The following CLASP1 variants were observed in gnomAD, a reference collection of about 807,000 sequenced individuals.
CLASP1 encodes CLIP-associating protein 1.
In CLASP1, 38 loss-of-function variants were observed where a neutral mutation model predicts 192.3. The ratio of observed to expected loss-of-function variants is 0.20; its 90% CI spans 0.15 to 0.26. The LOEUF is 0.26. Ranked by LOEUF, CLASP1 falls within the 10% of genes least tolerant of loss-of-function variation. The pLI, the probability that CLASP1 is intolerant of heterozygous loss-of-function variation, is 1.00. For missense variants in CLASP1, 1,433 were observed against 1,932.5 expected, an observed-to-expected ratio of 0.74 and a Z score of 4.85; for synonymous variants, 691 against 712.8, an observed-to-expected ratio of 0.97 and a Z score of 0.49.
At chr2:121,617,008 A>T (rs1314388897) in intron 1 of CLASP1, among the ~76,000 whole-genome samples, 1 of 152,218 alleles carries the variant, frequency 6.6e-6, no homozygotes, top group East Asian at 1.9e-4. Context: ...GTAGAAGAGG[A>T]AGGAAGATAA....
chr2:121,353,830 G>T (rs1183275525), intron 37 of CLASP1, among the ~76,000 whole-genome samples: 2 of 152,124 alleles, frequency 1.3e-5, no homozygotes, highest in Non-Finnish European at 2.9e-5. Flanking sequence ...TTGCTCTGTT[G>T]CCCAGGCTGG....
chr2:121,416,483 T>C (rs1241526677), intron 23 of CLASP1, among the ~76,000 whole-genome samples: 1 of 152,166 alleles, frequency 6.6e-6, no homozygotes, highest in African/African-American at 2.4e-5. Context: ...ACAATCTCAC[T>C]AATTTCCAAA....
In CLASP1 at chr2:121,418,657, C is replaced by T. The variant is rs778058950; in HGVS notation, c.2285G>A (p.Arg762Gln). ...AAAGCCCCGAGCAGGGCTTGTATCT[C>T]GGCTGCTCTCACGGCTGGTATCGCG... Residue 762 changes from arginine (R) to glutamine (Q), a missense_variant, in exon 23 of 40, where the codon CGA (arginine) becomes CAA (glutamine). Coordinates refer to ENST00000263710, the Ensembl canonical transcript of CLASP1. 13 of 1,613,782 alleles carry T rather than the reference C, an allele frequency of 8.1e-6. No homozygotes were observed. In the South Asian group the frequency reaches 8.8e-5, roughly 11 times the overall value.
intron 2 of CLASP1, among the ~76,000 whole-genome samples, chr2:121,542,448 T>C (rs1339269189): frequency 3.3e-5 from 5 of 152,244 alleles, no homozygotes. Context: ...ATTAGCACTC[T>C]ACACTGTAAT....
intron 14 of CLASP1, 147 bp from the exon 15 acceptor site, chr2:121,451,996 T>C: frequency 3.0e-6 from 2 of 666,912 alleles, no homozygotes; most frequent in Non-Finnish European, 5.2e-6. Flanking sequence ...ACATAAAGAA[T>C]GAATCAGAAC....
intron 2 of CLASP1, among the ~76,000 whole-genome samples, chr2:121,538,375 G>A (rs1343165648): frequency 6.6e-6 from 1 of 151,874 alleles, no homozygotes; most frequent in Non-Finnish European, 1.5e-5. Context: ...TTGCGCCATT[G>A]TACTCCAGCC....
At chr2:121,525,433 A>G (rs2094552609) in intron 6 of CLASP1, among the ~76,000 whole-genome samples, 1 of 151,952 alleles carries the variant, frequency 6.6e-6, no homozygotes, top group Admixed American at 6.6e-5. Flanking sequence ...CATTCCCATC[A>G]CCTCAGAAAA....
exon 5 of CLASP1, chr2:121,527,841 G>A (rs779554996): frequency 6.2e-7 from 1 of 1,613,990 alleles, no homozygotes; most frequent in East Asian, 2.2e-5. Context: ...GCCTTCTCGA[G>A]TACGGAAATT....
At chr2:121,537,711 T>C (rs1324937020) in intron 2 of CLASP1, among the ~76,000 whole-genome samples, 1 of 152,194 alleles carries the variant, frequency 6.6e-6, no homozygotes, top group African/African-American at 2.4e-5. Context: ...ATACAAAAAC[T>C]AAAAGAACTT....
intron 6 of CLASP1, 25 bp from the exon 7 acceptor site, chr2:121,515,787 C>T (rs370795258): frequency 2.5e-6 from 4 of 1,597,714 alleles, no homozygotes; most frequent in East Asian, 4.5e-5. Context: ...AGAGATCTTA[C>T]AGCTGCTCTG....
At chr2:121,361,059 T>C (rs1338605877) in intron 37 of CLASP1, among the ~76,000 whole-genome samples, 2 of 152,228 alleles carry the variant, frequency 1.3e-5, no homozygotes, top group African/African-American at 4.8e-5. Context: ...TAGACAGATA[T>C]CTTCCAACTG....
At chr2:121,536,401 AAG>A (rs2095080210) in intron 2 of CLASP1, among the ~76,000 whole-genome samples, 1 of 150,936 alleles carries the variant, frequency 6.6e-6, no homozygotes, top group Non-Finnish European at 1.5e-5. Flanking sequence ...AAAAAAAAAA[AAG>A]ATTAAAAATA....
intron 2 of CLASP1, among the ~76,000 whole-genome samples, chr2:121,598,497 C>T (rs545458108): frequency 1.3e-5 from 2 of 152,330 alleles, no homozygotes; most frequent in African/African-American, 2.4e-5. Flanking sequence ...TATGGTCTCA[C>T]AAAGCCCAAA....
Position 121,469,204 on chromosome 2 carries a change from C to G in CLASP1, c.865+604G>C, listed in dbSNP as rs545214784. ...ATACAGGCCTTCCACTCCCACAGAG[C>G]TACCTCCCGCTGGCCCAGCTCTACT... On this transcript the variant is annotated intron_variant, in intron 9 of 39. Coordinates refer to ENST00000263710, the Ensembl canonical transcript of CLASP1. 2.0e-5 allele frequency among the ~76,000 whole-genome samples: 3 copies of G among 152,246 alleles called. No individual in the cohort carries two copies. The East Asian group carries it at 5.8e-4, about 29-fold the overall frequency.
chr2:121,378,104 C>T (rs898904889), intron 33 of CLASP1, among the ~76,000 whole-genome samples: 2 of 152,152 alleles, frequency 1.3e-5, no homozygotes, highest in Non-Finnish European at 2.9e-5. Context: ...AATGACCTCA[C>T]AAGGCTAGGT....
intron 36 of CLASP1, 57 bp from the exon 38 acceptor site, chr2:121,363,357 C>A (rs1476529560): frequency 9.4e-6 from 15 of 1,599,386 alleles, no homozygotes; most frequent in Non-Finnish European, 1.3e-5. Context: ...CTTTCACACA[C>A]AGCAGTCAGC....
chr2:121,615,211 C>T (rs531448384), intron 1 of CLASP1, among the ~76,000 whole-genome samples: 1 of 152,104 alleles, frequency 6.6e-6, no homozygotes, highest in South Asian at 2.1e-4. Flanking sequence ...ATAGGGCGCA[C>T]GCCTGTAATC....
intron 22 of CLASP1, among the ~76,000 whole-genome samples, chr2:121,421,980 G>C (rs939722063): frequency 7.9e-5 from 12 of 152,236 alleles, no homozygotes; most frequent in Admixed American, 7.9e-4. Flanking sequence ...TTACAGAAGA[G>C]AAGGCATAAG....
At chr2:121,451,088 G>A in intron 15 of CLASP1, 98 bp from the exon 16 acceptor site, 1 of 835,630 alleles carries the variant, frequency 1.2e-6, no homozygotes, top group Non-Finnish European at 2.0e-6. Flanking sequence ...GCAACATGGA[G>A]CTGGGAGCCT....
Sources: allele counts gnomAD v4.1 joint callset (sites outside exome capture counted in the v4.1 genomes callset), GRCh38; gene constraint gnomAD v4.1.1; transcripts MANE v1.5; gene names NCBI Gene and HGNC (gene_info 2026-07-23, HGNC 2026-07-21).